PAK1: variants seen among roughly 807,000 people sequenced by gnomAD.
PAK1 encodes p21 (RAC1) activated kinase 1.
A neutral mutation model predicts 67.4 loss-of-function variants in PAK1; 29 were observed. The ratio of observed to expected loss-of-function variants is 0.43; its 90% confidence interval spans 0.32 to 0.59. PAK1 has a LOEUF of 0.59. PAK1 is among the 20% of genes least tolerant of loss of function. The pLI, the probability that PAK1 is intolerant of heterozygous loss-of-function variation, is 0.07. For synonymous variants in PAK1, 223 were observed against 237.4 expected, an observed-to-expected ratio of 0.94 and a Z score of 0.56; for missense variants, 337 against 670.7, an observed-to-expected ratio of 0.50 and a Z score of 5.50.
chr11:77,485,823 C>T, the PAK1 span, among the ~76,000 whole-genome samples: 1 of 152,192 alleles, frequency 6.6e-6, no homozygotes, highest in Admixed American at 6.5e-5. Flanking sequence ...TTATCTAGAG[C>T]AGCAGCAGCA....
chr11:77,408,532 T>TAC (rs377689850), intron 1 of PAK1, among the ~76,000 whole-genome samples: 31,374 of 137,526 alleles, frequency 0.23, 3,699 homozygotes, highest in Non-Finnish European at 0.31. Context: ...TATGGAGAAA[T>TAC]ACACACACAC....
At chr11:77,489,873 C>T in the PAK1 span, among the ~76,000 whole-genome samples, 5 of 152,286 alleles carry the variant, frequency 3.3e-5, no homozygotes, top group Middle Eastern at 3.4e-3. Flanking sequence ...GCCACCACCC[C>T]GTCTGGGAAG....
chr11:77,429,114 A>G (rs1955740752), intron 1 of PAK1, among the ~76,000 whole-genome samples: 1 of 141,206 alleles, frequency 7.1e-6, no homozygotes. Flanking sequence ...ACACATCAGG[A>G]TTCCTTGGCT....
At chr11:77,469,968 GT>G (rs1221508735) in intron 1 of PAK1, among the ~76,000 whole-genome samples, 1 of 151,898 alleles carries the variant, frequency 6.6e-6, no homozygotes, top group South Asian at 2.1e-4. Context: ...CAAAAGCCTC[GT>G]TTTTAGATGC....
At chr11:77,446,511 CAAAAAAA>C (rs56952838) in intron 1 of PAK1, among the ~76,000 whole-genome samples, 11 of 60,678 alleles carry the variant, frequency 1.8e-4, no homozygotes, top group Non-Finnish European at 2.8e-4. Flanking sequence ...GACCCTGTCT[CAAAAAAA>C]AAAAAAAAAA....
chr11:77,470,394 TATC>T (rs1245875227), intron 1 of PAK1, among the ~76,000 whole-genome samples: 1 of 152,194 alleles, frequency 6.6e-6, no homozygotes, highest in Non-Finnish European at 1.5e-5. Context: ...TTTCAGCACT[TATC>T]ATGTCATATT....
intron 1 of PAK1, among the ~76,000 whole-genome samples, chr11:77,438,665 T>TA (rs763382552): frequency 6.6e-6 from 1 of 152,140 alleles, no homozygotes; most frequent in Non-Finnish European, 1.5e-5. Flanking sequence ...ACAGCTTCTC[T>TA]AAAAGAGCTG....
chr11:77,423,166 A>G, intron 1 of PAK1, among the ~76,000 whole-genome samples: 1 of 151,968 alleles, frequency 6.6e-6, no homozygotes, highest in East Asian at 1.9e-4. Flanking sequence ...ATTCCTTATT[A>G]GCCACTGGTC....
At chr11:77,480,208 C>G in the PAK1 span, among the ~76,000 whole-genome samples, 2 of 152,108 alleles carry the variant, frequency 1.3e-5, no homozygotes, top group African/African-American at 4.8e-5. Context: ...ATTTTCTTCC[C>G]CCACATAGCT....
At chr11:77,400,376 G>C (rs555005533) in intron 1 of PAK1, among the ~76,000 whole-genome samples, 1 of 152,258 alleles carries the variant, frequency 6.6e-6, no homozygotes, top group Non-Finnish European at 1.5e-5. Flanking sequence ...AGCAGCTCTA[G>C]AATTGTGCAA....
intron 9 of PAK1, among the ~76,000 whole-genome samples, chr11:77,348,405 G>A (rs1944750176): frequency 6.6e-6 from 1 of 152,164 alleles, no homozygotes; most frequent in South Asian, 2.1e-4. Flanking sequence ...ATAAGACCTT[G>A]GGTCAGCAGG....
intron 1 of PAK1, among the ~76,000 whole-genome samples, chr11:77,403,545 T>C (rs1182123284): frequency 2.6e-5 from 4 of 152,232 alleles, no homozygotes; most frequent in African/African-American, 7.2e-5. Flanking sequence ...TCCAATAAAC[T>C]ATCCAGCAGT....
At chr11:77,486,553 T>C in the PAK1 span, among the ~76,000 whole-genome samples, 294 of 152,330 alleles carry the variant, frequency 1.9e-3, 1 homozygote, top group African/African-American at 6.8e-3. Context: ...AAAAACCATC[T>C]TGAATTGCAG....
chr11:77,412,116 C>G (rs1268264759), intron 1 of PAK1: 1 of 152,384 alleles, frequency 6.6e-6, no homozygotes, highest in Non-Finnish European at 1.5e-5. Flanking sequence ...CTATTCTCCC[C>G]ACCCAGTCTC....
At chr11:77,493,382 G>A in the PAK1 span, among the ~76,000 whole-genome samples, 2 of 145,274 alleles carry the variant, frequency 1.4e-5, no homozygotes, top group East Asian at 4.1e-4. Flanking sequence ...AGGTTTAAGC[G>A]ATTCTCGTAC....
chr11:77,375,015 T>C (rs973326314), intron 4 of PAK1, among the ~76,000 whole-genome samples: 1 of 152,180 alleles, frequency 6.6e-6, no homozygotes, highest in South Asian at 2.1e-4. Context: ...ACACTTAGGC[T>C]ATGCTAAATT....
At chr11:77,426,840 T>A (rs1209730990) in intron 1 of PAK1, among the ~76,000 whole-genome samples, 4 of 124,280 alleles carry the variant, frequency 3.2e-5, no homozygotes, top group East Asian at 5.2e-4. Context: ...TGAGCAATCT[T>A]TAAAAAAAAA....
chr11:77,517,078 A>G, the PAK1 span, among the ~76,000 whole-genome samples: 8 of 152,220 alleles, frequency 5.3e-5, no homozygotes, highest in Admixed American at 5.2e-4. Context: ...ATATTTAAAT[A>G]ACCCAGGGAT....
rs184660812 is a variant in PAK1 at position 77,339,689 on chromosome 11, A to G, written c.1116+957T>C. 3.0e-3 allele frequency among the ~76,000 whole-genome samples: 455 copies of G among 152,208 alleles called. 5 individuals carry two copies. Among genetic ancestry groups the G allele is most frequent in the African/African-American group, 0.011 (442 of 41,550 alleles). On this transcript the variant is annotated intron_variant, in intron 11 of 14. Transcript: ENST00000356341. ...TACATAATTTCAGCAGTATGCCTTC[A>G]GCTCTTGCACCATCAAACCCCCATC...
Sources: allele counts gnomAD v4.1 joint callset (sites outside exome capture counted in the v4.1 genomes callset), GRCh38; gene constraint gnomAD v4.1.1; transcripts MANE v1.5; gene names NCBI Gene and HGNC (gene_info 2026-07-23, HGNC 2026-07-21).